SYCP2: variants seen among roughly 807,000 people sequenced by gnomAD.
SYCP2 encodes synaptonemal complex lateral element protein.
In SYCP2, 55 loss-of-function variants were observed where a neutral mutation model predicts 211.3. That is an observed-to-expected ratio of 0.26 (90% confidence interval 0.21 to 0.33). The LOEUF (loss-of-function observed/expected upper bound fraction) is 0.33, where lower values mean the gene tolerates loss of function less well. Among genes scored for constraint, SYCP2 ranks in the 10% least tolerant of loss-of-function variants. SYCP2 has a pLI of 1.00. For synonymous variants in SYCP2, 570 were observed against 555.2 expected, an observed-to-expected ratio of 1.03 and a Z score of -0.37; for missense variants, 1,731 against 1,752.0, an observed-to-expected ratio of 0.99 and a Z score of 0.21.
At position 59,865,826 on chromosome 20, in the gene SYCP2, G is replaced by T; in HGVS notation, c.4360C>A (p.Gln1454Lys). 6.9e-7 allele frequency: 1 copy of T among 1,439,422 alleles called. No homozygotes were observed. The highest frequency in any genetic ancestry group is 9.3e-7 in the Non-Finnish European group (1 of 1,075,966). 89.2% of individuals were successfully genotyped at this position (1,439,422 alleles called of 1,614,324 possible). A position where few individuals can be genotyped will look rare whatever the true frequency, so the allele number is the denominator to read the frequency against. The part of the protein sequence containing the change: ...EKIFQKFSAY[Q>K]KSEQQRLHLL... ...ACTAACCTCTGTTGTTCGCTTTTTTGATATGCACTGAACTTCTGAAATATC... is the reference window on the plus strand; with the variant it reads ...ACTAACCTCTGTTGTTCGCTTTTTTTATATGCACTGAACTTCTGAAATATC... Residue 1454 changes from glutamine to lysine, a missense_variant, in exon 42 of 45, where the codon CAA becomes AAA. Gln to Lys is a moderately conservative substitution (Grantham distance 53). Around this residue, in one of 3 missense-constraint regions of SYCP2, gnomAD observed 1,387 missense variants for 1,351.3 expected, o/e 1.03. Coordinates refer to ENST00000357552, the MANE Select transcript of SYCP2 (RefSeq NM_014258.4).
At chr20:59,916,671 A>G in intron 7 of SYCP2, 100 bp from the exon 8 acceptor site, 8 of 764,172 alleles carry the variant, frequency 1.0e-5, no homozygotes, top group African/African-American at 1.7e-5. Context: ...CAGGCATGGT[A>G]ACTCAGGCCT....
At position 59,916,165 on chromosome 20, in the gene SYCP2, CTTTAT is replaced by C. The variant is rs968813145; in HGVS notation, c.513+316_513+320del. Among the ~76,000 whole-genome samples, 13 of 151,956 alleles carry C rather than the reference CTTTAT, an allele frequency of 8.6e-5. No individual in the cohort carries two copies. In the East Asian group the frequency reaches 2.3e-3, roughly 27 times the overall value. ...GATCTGAGGAAGCCAAAAAATGTTA[CTTTAT>C]TTTGTTCTTATGATTATAGTACATG... On this transcript the variant is annotated intron_variant, in intron 8 of 44. Coordinates refer to ENST00000357552, the MANE Select transcript of SYCP2 (RefSeq NM_014258.4).
At chr20:59,881,890 G>T in intron 28 of SYCP2, 55 bp downstream of exon 28, 1 of 1,388,878 alleles carries the variant, frequency 7.2e-7, no homozygotes, top group Non-Finnish European at 1.0e-6. Context: ...TAACTGCATG[G>T]TAAATGCAAT....
intron 39 of SYCP2, among the ~76,000 whole-genome samples, chr20:59,867,231 T>G (rs567222974): frequency 6.7e-6 from 1 of 148,772 alleles, no homozygotes; most frequent in South Asian, 2.1e-4. Context: ...CAGAAATATA[T>G]TACTAATAAT....
chr20:59,905,270 G>A (rs1269776653), intron 15 of SYCP2, among the ~76,000 whole-genome samples: 3 of 152,064 alleles, frequency 2.0e-5, no homozygotes, highest in South Asian at 2.1e-4. Context: ...GTATTTACCT[G>A]AGAAATAAAA....
chr20:59,904,403 C>T (rs567667137), intron 15 of SYCP2, among the ~76,000 whole-genome samples: 1 of 152,200 alleles, frequency 6.6e-6, no homozygotes, highest in African/African-American at 2.4e-5. Flanking sequence ...CTAATAGGCT[C>T]ATCATCAACA....
At position 59,866,331 on chromosome 20, in the gene SYCP2, C is replaced by G. The variant is rs1568898194; in HGVS notation, c.4282G>C (p.Asp1428His). Reference protein sequence around the residue: ...IIEELENFEKDSQSLKDLEKE... With the variant: ...IIEELENFEKHSQSLKDLEKE... Reference sequence around the variant, plus strand: ...TCCAAATCTTTTAAAGACTGTGAATCTTTTTCAAAATTCTCCAGCTCCTCT... The same window carrying G: ...TCCAAATCTTTTAAAGACTGTGAATGTTTTTCAAAATTCTCCAGCTCCTCT... The change falls in exon 41 of 45, where the codon GAT (aspartate) becomes CAT (histidine). Residue 1428 changes from aspartate to histidine, a missense_variant. Transcript: ENST00000357552. 1 of 1,596,774 alleles carries G rather than the reference C, an allele frequency of 6.3e-7. No individual in the cohort carries two copies. The highest frequency in any genetic ancestry group is 8.5e-7 in the Non-Finnish European group (1 of 1,173,318).
rs1322696476 is a variant in SYCP2 at position 59,866,283 on chromosome 20, AG to A, written c.4320+9del. ...TTAAACTTATTTAAAAAATTTTTAA[AG>A]TAACAAACCACAAATTCCTTTTCCA... On this transcript the variant is annotated intron_variant, in intron 41 of 44. Transcript: ENST00000357552. 6.5e-7 allele frequency: 1 copy of A among 1,550,032 alleles called. No individual in the cohort carries two copies. The highest frequency in any genetic ancestry group is 8.7e-7 in the Non-Finnish European group (1 of 1,147,616).
chr20:59,902,532 G>A (rs76104888), intron 15 of SYCP2, among the ~76,000 whole-genome samples: 2,849 of 152,030 alleles, frequency 0.019, 99 homozygotes, highest in African/African-American at 0.065. Flanking sequence ...ATGTACTTTC[G>A]GGCAAGAGAA....
At chr20:59,891,852 T>C (rs1353193928) in intron 24 of SYCP2, 138 bp downstream of exon 24, 5 of 709,858 alleles carry the variant, frequency 7.0e-6, no homozygotes, top group Non-Finnish European at 1.1e-5. Context: ...AGTGAGGAAT[T>C]CTGAGAGTCT....
In SYCP2 at chr20:59,883,280, C is replaced by T. The variant is rs186530045; in HGVS notation, c.2530-1115G>A. On this transcript the variant is annotated intron_variant, in intron 26 of 44. Coordinates refer to ENST00000357552, the MANE Select transcript of SYCP2 (RefSeq NM_014258.4). Reference sequence around the variant, plus strand: ...AGGAGAATTGCTTGAACCAGGGAGGCGGAGGTTGCAGTGAGCCAAGATCAC... The same window carrying T: ...AGGAGAATTGCTTGAACCAGGGAGGTGGAGGTTGCAGTGAGCCAAGATCAC... Among the ~76,000 whole-genome samples the T allele has an allele frequency of 1.0e-3, 152 of 152,112 alleles. No individual in the cohort carries two copies. In the Middle Eastern group the frequency reaches 0.024, roughly 24 times the overall value.
chr20:59,919,927 A>G (rs1457925613), intron 5 of SYCP2, among the ~76,000 whole-genome samples: 1 of 151,744 alleles, frequency 6.6e-6, no homozygotes, highest in Non-Finnish European at 1.5e-5. Flanking sequence ...TATTGTTACT[A>G]TATGAAAAGT....
At chr20:59,923,110 T>C (rs952009903) in intron 2 of SYCP2, among the ~76,000 whole-genome samples, 7 of 151,938 alleles carry the variant, frequency 4.6e-5, no homozygotes, top group Admixed American at 1.3e-4. Flanking sequence ...ATATGGCTAA[T>C]AGAAAATATC....
At chr20:59,883,342 CTG>C (rs2059720748) in intron 26 of SYCP2, among the ~76,000 whole-genome samples, 4 of 151,956 alleles carry the variant, frequency 2.6e-5, no homozygotes, top group African/African-American at 9.7e-5. Context: ...GAGCAAGACT[CTG>C]TCTCCAAACA....
Position 59,920,410 on chromosome 20 carries a change from T to C in SYCP2, c.246A>G (p.Val82=). 3 of 1,610,304 alleles carry C rather than the reference T, an allele frequency of 1.9e-6. No individual in the cohort carries two copies. The highest frequency in any genetic ancestry group is 1.3e-5 in the African/African-American group (1 of 74,890). Residue 82 remains valine (V), a synonymous_variant, in exon 5 of 45, where the codon GTA becomes GTG. Transcript: ENST00000357552. ...SVGRCGKNIS[V]LGQAGLLTMI... ...TCGTTAGAAGTCCAGCTTGCCCCAA[T>C]ACACTGATATTTTTGCCACATCTTC...
rs1193369514 is a variant in SYCP2 at position 59,864,215 on chromosome 20, G to A, written c.*96C>T. Reference sequence around the variant, plus strand: ...CTATAAAGGGTACACTTGCTTCGGTGACATGTATATTTTTCTCTTTGTAGG... The same window carrying A: ...CTATAAAGGGTACACTTGCTTCGGTAACATGTATATTTTTCTCTTTGTAGG... On this transcript the variant is annotated 3_prime_UTR_variant, in exon 45 of 45. Transcript: ENST00000357552. 1.5e-4 allele frequency: 129 copies of A among 851,670 alleles called. No homozygotes were observed. The highest frequency in any genetic ancestry group is 9.3e-5 in the Admixed American group (3 of 32,406). The allele number at this position is 851,670 out of a possible 1,614,324, so 52.8% of individuals were successfully genotyped here. A position where few individuals can be genotyped will look rare whatever the true frequency, so the allele number is the denominator to read the frequency against.
At chr20:59,925,582 C>G (rs926033844) in intron 2 of SYCP2, among the ~76,000 whole-genome samples, 3 of 152,044 alleles carry the variant, frequency 2.0e-5, no homozygotes, top group African/African-American at 7.2e-5. Flanking sequence ...TAAAAGGGTC[C>G]TATTTTGGCA....
chr20:59,898,731 T>G (rs945064048), intron 18 of SYCP2, among the ~76,000 whole-genome samples: 1 of 151,308 alleles, frequency 6.6e-6, no homozygotes. Context: ...AAAAAAGATA[T>G]GTAAAATGTT....
At chr20:59,890,101 T>C (rs988638666) in intron 24 of SYCP2, among the ~76,000 whole-genome samples, 44 of 152,148 alleles carry the variant, frequency 2.9e-4, no homozygotes, top group African/African-American at 9.7e-4. Flanking sequence ...CATGCACATG[T>C]ATGTTTACTG....
Sources: gnomAD v4.1 joint callset for allele counts (sites outside exome capture counted in the v4.1 genomes callset) on GRCh38, gnomAD v4.1.1 for gene constraint, gnomAD v4.1.1 regional missense constraint, MANE v1.5 for transcripts, NCBI Gene and HGNC (gene_info 2026-07-23, HGNC 2026-07-21) for gene names.